The following NFIA variants were observed in gnomAD, a reference collection of about 807,000 sequenced individuals.
NFIA encodes the protein nuclear factor I A, also known as nuclear factor 1 A-type.
In NFIA, 8 loss-of-function variants were observed where a neutral mutation model predicts 62.8. The observed-to-expected ratio is 0.13, with a 90% CI of 0.07 to 0.23. The LOEUF (loss-of-function observed/expected upper bound fraction) is 0.23, where lower values mean the gene tolerates loss of function less well. NFIA is among the 10% of genes least tolerant of loss of function. The pLI is 1.00. For synonymous variants in NFIA, 235 were observed against 238.1 expected (o/e 0.99, Z 0.12); for missense variants, 410 against 642.1 (o/e 0.64, Z 3.91).
intron 2 of NFIA, among the ~76,000 whole-genome samples, chr1:61,090,328 G>A (rs1295364519): frequency 1.3e-5 from 2 of 152,132 alleles, no homozygotes; most frequent in Non-Finnish European, 2.9e-5. Flanking sequence ...ATCCCGAATA[G>A]ATGACCAACA....
In NFIA at chr1:61,092,217, T is replaced by C. The variant is rs1159797224; in HGVS notation, c.559+3537T>C. Among the ~76,000 whole-genome samples the C allele has an allele frequency of 2.0e-5, 3 of 152,250 alleles. No individual in the cohort carries two copies. The East Asian group carries it at 5.8e-4, about 29-fold the overall frequency. ...CACTTTTTGCAGATGAGGAATTTTC[T>C]AACATTAGAAGTATTTTTAGCAGTC... On this transcript the variant is annotated intron_variant, in intron 2 of 10. Coordinates refer to ENST00000403491, the MANE Select transcript of NFIA (RefSeq NM_001134673.4).
chr1:61,367,621 G>A (rs1284246961), intron 6 of NFIA, among the ~76,000 whole-genome samples: 1 of 152,046 alleles, frequency 6.6e-6, no homozygotes, highest in East Asian at 1.9e-4. Context: ...CCCAAATAAG[G>A]GGTTATGACA....
chr1:61,397,392 T>C (rs1665332587), intron 7 of NFIA, among the ~76,000 whole-genome samples: 1 of 152,154 alleles, frequency 6.6e-6, no homozygotes, highest in East Asian at 1.9e-4. Context: ...ATTTTATCAA[T>C]ATTTATGTAC....
At chr1:61,404,055 A>C (rs767164386) in intron 7 of NFIA, 49 bp from the exon 8 acceptor site, 5 of 1,600,250 alleles carry the variant, frequency 3.1e-6, no homozygotes, top group Non-Finnish European at 4.3e-6. Context: ...TTCAGCTATG[A>C]CAAAGCAGGT....
intron 2 of NFIA, among the ~76,000 whole-genome samples, chr1:61,241,652 C>G (rs1239400950): frequency 6.6e-6 from 1 of 151,702 alleles, no homozygotes; most frequent in Non-Finnish European, 1.5e-5. Flanking sequence ...CCACTGCCAA[C>G]CCCCTCCCCC....
At chr1:61,324,982 T>C (rs1472080076) in intron 3 of NFIA, among the ~76,000 whole-genome samples, 3 of 152,238 alleles carry the variant, frequency 2.0e-5, no homozygotes, top group Non-Finnish European at 2.9e-5. Flanking sequence ...AGCCATATTA[T>C]ATAAAATGAA....
chr1:61,143,461 C>T (rs963148622), intron 2 of NFIA, among the ~76,000 whole-genome samples: 3 of 152,114 alleles, frequency 2.0e-5, no homozygotes, highest in African/African-American at 7.2e-5. Context: ...GCAGTCTCAG[C>T]TCATTGCAAC....
chr1:61,328,104 A>ATTT (rs59499733), intron 3 of NFIA, among the ~76,000 whole-genome samples: 1 of 148,236 alleles, frequency 6.7e-6, no homozygotes, highest in Non-Finnish European at 1.5e-5. Context: ...TTTTGCTGGG[A>ATTT]TTTTTTTTTT....
intron 7 of NFIA, among the ~76,000 whole-genome samples, chr1:61,388,193 TA>T (rs1194244657): frequency 1.3e-5 from 2 of 152,186 alleles, no homozygotes; most frequent in South Asian, 2.1e-4. Flanking sequence ...ATCCTATCGA[TA>T]GGGGGAAGAT....
At chr1:61,135,832 C>G (rs1182632447) in intron 2 of NFIA, among the ~76,000 whole-genome samples, 2 of 152,180 alleles carry the variant, frequency 1.3e-5, no homozygotes, top group Non-Finnish European at 2.9e-5. Flanking sequence ...GTTAATAAGA[C>G]AGTTTCGTCT....
At chr1:61,157,173 CTTTTTGTT>C (rs1479557318) in intron 2 of NFIA, among the ~76,000 whole-genome samples, 1 of 152,120 alleles carries the variant, frequency 6.6e-6, no homozygotes, top group Non-Finnish European at 1.5e-5. Flanking sequence ...CTGTTTTTGG[CTTTTTGTT>C]TTTTTGTTTT....
At chr1:61,295,358 T>C (rs1358595243) in intron 3 of NFIA, among the ~76,000 whole-genome samples, 1 of 152,152 alleles carries the variant, frequency 6.6e-6, no homozygotes, top group Non-Finnish European at 1.5e-5. Context: ...AGAACCTGTA[T>C]GAAAAGAAAG....
At chr1:61,293,956 C>T in intron 3 of NFIA, among the ~76,000 whole-genome samples, 1 of 152,192 alleles carries the variant, frequency 6.6e-6, no homozygotes, top group Non-Finnish European at 1.5e-5. Context: ...AGCCAGGGTA[C>T]TAGCCTACTG....
At chr1:61,246,057 C>G (rs1431855821) in intron 2 of NFIA, among the ~76,000 whole-genome samples, 1 of 152,138 alleles carries the variant, frequency 6.6e-6, no homozygotes, top group Non-Finnish European at 1.5e-5. Flanking sequence ...AATTAAAAAC[C>G]ACTATTTTCT....
intron 2 of NFIA, among the ~76,000 whole-genome samples, chr1:61,230,216 C>G (rs1451628140): frequency 2.0e-5 from 3 of 152,000 alleles, no homozygotes; most frequent in Non-Finnish European, 2.9e-5. Context: ...CAATAAGAAG[C>G]TGTGACAGAA....
At chr1:61,093,198 C>G (rs1646350681) in intron 2 of NFIA, among the ~76,000 whole-genome samples, 1 of 152,164 alleles carries the variant, frequency 6.6e-6, no homozygotes, top group South Asian at 2.1e-4. Context: ...TGTTTACATT[C>G]AAATCTAGGA....
At chr1:61,172,311 A>C (rs111988620) in intron 2 of NFIA, among the ~76,000 whole-genome samples, 1 of 30,644 alleles carries the variant, frequency 3.3e-5, no homozygotes, top group Non-Finnish European at 1.5e-4. Context: ...TAGATGAGTC[A>C]GATAATGTGG....
chr1:61,209,142 A>T (rs1350559526), intron 2 of NFIA, among the ~76,000 whole-genome samples: 1 of 151,940 alleles, frequency 6.6e-6, no homozygotes, highest in African/African-American at 2.4e-5. Flanking sequence ...CCCCTGTCAG[A>T]TATTGGTCTT....
chr1:61,413,904 G>T (rs1666228581), intron 9 of NFIA, among the ~76,000 whole-genome samples: 1 of 151,972 alleles, frequency 6.6e-6, no homozygotes, highest in Non-Finnish European at 1.5e-5. Context: ...GGGATTACAG[G>T]CATGAGCCAC....
Sources: allele counts gnomAD v4.1 joint callset (sites outside exome capture counted in the v4.1 genomes callset), GRCh38; gene constraint gnomAD v4.1.1; transcripts MANE v1.5; gene names NCBI Gene and HGNC (gene_info 2026-07-23, HGNC 2026-07-21).